The following QSOX2 variants were observed in gnomAD, a reference collection of about 807,000 sequenced individuals.
QSOX2 encodes the protein quiescin sulfhydryl oxidase 2, also known as sulfhydryl oxidase 2.
Under a neutral mutation model 61.7 loss-of-function variants are expected in QSOX2, and 46 were observed. The observed-to-expected ratio is 0.75, with a 90% CI of 0.59 to 0.95. The LOEUF is 0.95. Among genes scored for constraint, QSOX2 ranks in the 40% least tolerant of loss-of-function variants. QSOX2 has a pLI of 0.00. For synonymous variants in QSOX2, 383 were observed against 388.4 expected (o/e 0.99, Z 0.16); for missense variants, 879 against 918.9 (o/e 0.96, Z 0.56).
chr9:136,243,249 C>T (rs927048323), intron 1 of QSOX2, among the ~76,000 whole-genome samples: 1 of 152,218 alleles, frequency 6.6e-6, no homozygotes, highest in African/African-American at 2.4e-5. Context: ...GGGAAATTTG[C>T]ATCTGTAGAG....
At chr9:136,245,180 G>A (rs1234892004) in intron 1 of QSOX2, among the ~76,000 whole-genome samples, 1 of 152,156 alleles carries the variant, frequency 6.6e-6, no homozygotes, top group African/African-American at 2.4e-5. Flanking sequence ...ATCCCCAAGC[G>A]TGCGGTGAGG....
chr9:136,209,340 C>T lies in QSOX2; in HGVS notation c.1550-65G>A, dbSNP rs372111319. ...GCTTTGTGCAGCCACGTGCAGCGTG[C>T]GGCAACCGGACTCCCACTCCCACCC... is the stretch of plus-strand genomic sequence containing the variant. On this transcript the variant is annotated intron_variant, in intron 11 of 11. Coordinates refer to ENST00000358701, the MANE Select transcript of QSOX2 (RefSeq NM_181701.4). This position sits in a 1 kb window ranked among gnomAD's most constrained non-coding sequence, Gnocchi z 5.6. 28 of 1,556,930 alleles carry T rather than the reference C, an allele frequency of 1.8e-5. No homozygotes were observed. Among genetic ancestry groups the T allele is most frequent in the African/African-American group, 5.4e-5 (4 of 73,566 alleles).
chr9:136,236,036 G>A (rs912822087), intron 1 of QSOX2, among the ~76,000 whole-genome samples: 2 of 152,180 alleles, frequency 1.3e-5, no homozygotes, highest in East Asian at 3.9e-4. Context: ...GAAGTCACTG[G>A]CAGTCAGGGT....
At position 136,209,184 on chromosome 9, in the gene QSOX2, G is replaced by T. The variant is rs529511138; in HGVS notation, c.1641C>A (p.Ala547=). ...PACHEEIKGL[A]SWDEGHVLTF... is the part of the protein sequence containing the mutation. Reference sequence around the variant, plus strand: ...TGAGCACGTGGCCTTCATCCCAGCTGGCCAGGCCCTTAATTTCCTCATGGC... The same window carrying T: ...TGAGCACGTGGCCTTCATCCCAGCTTGCCAGGCCCTTAATTTCCTCATGGC... Residue 547 remains alanine, a synonymous_variant, in exon 12 of 12, where the codon GCC becomes GCA. Coordinates refer to ENST00000358701, the MANE Select transcript of QSOX2 (RefSeq NM_181701.4). This position sits in a 1 kb window ranked among gnomAD's most constrained non-coding sequence, Gnocchi z 5.6. 6.2e-7 allele frequency: 1 copy of T among 1,614,176 alleles called. No individual in the cohort carries two copies. The highest frequency in any genetic ancestry group is 2.2e-5 in the East Asian group (1 of 44,884).
chr9:136,211,590 G>A, intron 10 of QSOX2, 138 bp from the exon 11 acceptor site: 2 of 785,230 alleles, frequency 2.5e-6, no homozygotes, highest in South Asian at 1.8e-5. Context: ...GCCTCAGGCT[G>A]TGGGCACAGA....
At chr9:136,211,512 C>A in intron 10 of QSOX2, 60 bp from the exon 11 acceptor site, 1 of 1,563,220 alleles carries the variant, frequency 6.4e-7, no homozygotes, top group Non-Finnish European at 8.8e-7. Context: ...TGACCCCACG[C>A]TTGTCCAGAG....
Position 136,219,070 on chromosome 9 carries a change from C to T in QSOX2, c.916G>A (p.Glu306Lys). ...SLPLPEKPHKEENSEIVVWRE... is the reference protein window; with the variant it reads ...SLPLPEKPHKKENSEIVVWRE... ...CAAACCACGATTTCTGAATTTTCTT[C>T]TTTGTGTGGCTTTTCAGGCAAGGGA... Residue 306 changes from glutamate (E) to lysine (K), a missense_variant, in exon 7 of 12, where the codon GAA (glutamate) becomes AAA (lysine). Physicochemically the swap from Glu to Lys is moderately conservative, Grantham distance 56. Transcript: ENST00000358701. The T allele has an allele frequency of 6.2e-7, 1 of 1,614,110 alleles. No homozygotes were observed. The highest frequency in any genetic ancestry group is 8.5e-7 in the Non-Finnish European group (1 of 1,180,028).
chr9:136,241,337 T>C (rs1830432000), intron 1 of QSOX2, among the ~76,000 whole-genome samples: 1 of 152,236 alleles, frequency 6.6e-6, no homozygotes, highest in South Asian at 2.1e-4. Context: ...GACACCTGCA[T>C]GTCCCCCTCC....
intron 1 of QSOX2, among the ~76,000 whole-genome samples, chr9:136,244,320 G>C (rs1257242837): frequency 6.6e-6 from 1 of 152,184 alleles, no homozygotes; most frequent in East Asian, 1.9e-4. Context: ...TGAGATCAAA[G>C]AGGAGGAATC....
chr9:136,219,311 C>A (rs1282194467), intron 6 of QSOX2, 147 bp from the exon 7 acceptor site: 5 of 979,904 alleles, frequency 5.1e-6, no homozygotes, highest in Non-Finnish European at 7.2e-6. Context: ...ACAGCTGACA[C>A]CCCGCCTGGG....
chr9:136,211,153 A>G (rs781176264), intron 11 of QSOX2, 111 bp downstream of exon 11: 113 of 1,195,408 alleles, frequency 9.5e-5, no homozygotes, highest in Non-Finnish European at 1.3e-4. Flanking sequence ...GGGTGGCACG[A>G]GGCCGCAAAG....
intron 1 of QSOX2, among the ~76,000 whole-genome samples, chr9:136,231,148 G>A (rs1830325843): frequency 6.6e-6 from 1 of 152,216 alleles, no homozygotes; most frequent in Admixed American, 6.5e-5. Context: ...GGATCCTACA[G>A]ACGGGGAAAC....
chr9:136,236,161 A>T (rs1417435401), intron 1 of QSOX2, among the ~76,000 whole-genome samples: 1 of 152,076 alleles, frequency 6.6e-6, no homozygotes, highest in African/African-American at 2.4e-5. Context: ...GCATCGTCAC[A>T]ACGCTCCTGA....
intron 10 of QSOX2, 76 bp downstream of exon 10, chr9:136,215,078 T>A: frequency 6.5e-7 from 1 of 1,530,370 alleles, no homozygotes; most frequent in Non-Finnish European, 8.8e-7. Context: ...CAGCAGTACA[T>A]GCCTTTGCAC....
At chr9:136,215,114 C>G in intron 10 of QSOX2, 40 bp downstream of exon 10, 1 of 1,596,498 alleles carries the variant, frequency 6.3e-7, no homozygotes, top group Non-Finnish European at 8.5e-7. Context: ...ACTTGTTAGG[C>G]AGACCATCGG....
At chr9:136,237,430 C>A (rs1830395316) in intron 1 of QSOX2, among the ~76,000 whole-genome samples, 1 of 148,166 alleles carries the variant, frequency 6.7e-6, no homozygotes, top group Non-Finnish European at 1.5e-5. Context: ...TCACCTGGAG[C>A]CCGTCCTGTG....
At chr9:136,233,532 CGTT>C (rs1280211599) in intron 1 of QSOX2, among the ~76,000 whole-genome samples, 6 of 152,230 alleles carry the variant, frequency 3.9e-5, no homozygotes, top group African/African-American at 1.2e-4. Context: ...AAGACGCCAT[CGTT>C]GTTATAGGAA....
intron 6 of QSOX2, among the ~76,000 whole-genome samples, chr9:136,219,571 T>G (rs1252188554): frequency 6.6e-6 from 1 of 152,158 alleles, no homozygotes; most frequent in Non-Finnish European, 1.5e-5. Context: ...AGTCGGGGCC[T>G]GGGGTGGACG....
At chr9:136,211,035 C>T (rs1019657559) in intron 11 of QSOX2, 4 of 519,718 alleles carry the variant, frequency 7.7e-6, no homozygotes, top group Non-Finnish European at 7.4e-6. Flanking sequence ...GGTCGAAGAG[C>T]CCCCGGAGTG....
Sources: allele counts gnomAD v4.1 joint callset (sites outside exome capture counted in the v4.1 genomes callset), GRCh38; gene constraint gnomAD v4.1.1; non-coding constraint Gnocchi (gnomAD v3.1); transcripts MANE v1.5; gene names NCBI Gene and HGNC (gene_info 2026-07-23, HGNC 2026-07-21).